Variants in UGT1A9 observed in about 807,000 individuals in gnomAD.
UGT1A9 encodes the protein UDP glucuronosyltransferase family 1 member A9, also known as UDP-glucuronosyltransferase 1A9.
A neutral mutation model predicts 45.0 loss-of-function variants in UGT1A9; 35 were observed. The ratio of observed to expected loss-of-function variants is 0.78; its 90% CI spans 0.59 to 1.03. The LOEUF (loss-of-function observed/expected upper bound fraction) is 1.03, where lower values mean the gene tolerates loss of function less well. UGT1A9 is among the 50% of genes least tolerant of loss of function. The pLI is 0.00. For missense variants in UGT1A9, 687 were observed against 666.6 expected (o/e 1.03, Z -0.34); for synonymous variants, 278 against 250.6 (o/e 1.11, Z -1.03).
At chr2:233,732,349 T>A (rs1331822531) in intron 1 of UGT1A9, among the ~76,000 whole-genome samples, 1 of 152,014 alleles carries the variant, frequency 6.6e-6, no homozygotes, top group Non-Finnish European at 1.5e-5. Flanking sequence ...GGTGTTTTAG[T>A]CATGAAGTCC....
At chr2:233,768,122 G>A in intron 3 of UGT1A9, 98 bp from the exon 4 acceptor site, 1 of 1,602,552 alleles carries the variant, frequency 6.2e-7, no homozygotes, top group Non-Finnish European at 8.5e-7. Flanking sequence ...GGGCATGTGA[G>A]TAACACTGAG....
chr2:233,698,753 A>G (rs887164106), intron 1 of UGT1A9, among the ~76,000 whole-genome samples: 4 of 152,244 alleles, frequency 2.6e-5, no homozygotes, highest in African/African-American at 7.2e-5. Context: ...ACATAATGCT[A>G]TGATTCAGAA....
intron 1 of UGT1A9, among the ~76,000 whole-genome samples, chr2:233,749,245 A>G (rs1371671760): frequency 6.6e-6 from 1 of 151,908 alleles, no homozygotes; most frequent in Admixed American, 6.5e-5. Context: ...ATCAAACCAC[A>G]TGATTTTTTT....
At chr2:233,730,041 T>G in intron 1 of UGT1A9, 1 of 1,612,628 alleles carries the variant, frequency 6.2e-7, no homozygotes, top group South Asian at 1.1e-5. Flanking sequence ...CAAAACACTT[T>G]TTAAAAAAAT....
intron 1 of UGT1A9, among the ~76,000 whole-genome samples, chr2:233,685,069 AT>A (rs1419211774): frequency 2.0e-5 from 3 of 151,848 alleles, no homozygotes; most frequent in Non-Finnish European, 2.9e-5. Context: ...TGCACAGGAG[AT>A]TTTTTTTCTG....
rs909756512 is a variant in UGT1A9 at position 233,724,934 on chromosome 2, C to T, written c.856-42100C>T. On this transcript the variant is annotated intron_variant, in intron 1 of 4. Coordinates refer to ENST00000354728, the MANE Select transcript of UGT1A9 (RefSeq NM_021027.3). ...ATTGAGCACTGAGTGAACGAGACTCCGTCTGCAATCCCGGCACCTCGGGAG... is the reference window on the plus strand; with the variant it reads ...ATTGAGCACTGAGTGAACGAGACTCTGTCTGCAATCCCGGCACCTCGGGAG... 1.0e-4 allele frequency among the ~76,000 whole-genome samples: 15 copies of T among 143,608 alleles called. 1 individual carries two copies. The highest frequency in any genetic ancestry group is 2.5e-4 in the South Asian group (1 of 4,034). 94.2% of individuals were successfully genotyped at this position (143,608 alleles called of 152,430 possible).
At chr2:233,744,417 G>C (rs1328403713) in intron 1 of UGT1A9, among the ~76,000 whole-genome samples, 1 of 151,850 alleles carries the variant, frequency 6.6e-6, no homozygotes, top group Non-Finnish European at 1.5e-5. Flanking sequence ...TTTTGTTCAT[G>C]TGGATTATAT....
intron 1 of UGT1A9, among the ~76,000 whole-genome samples, chr2:233,744,726 G>GA (rs1261964774): frequency 2.6e-5 from 4 of 151,822 alleles, no homozygotes; most frequent in African/African-American, 9.7e-5. Context: ...GAATGACGGT[G>GA]AAAAAATCAA....
chr2:233,730,006 G>A (rs1262951640), intron 1 of UGT1A9: 11 of 1,613,746 alleles, frequency 6.8e-6, no homozygotes, highest in Non-Finnish European at 9.3e-6. Context: ...CTGTATTGGT[G>A]CCTTCATCCA....
intron 3 of UGT1A9, 56 bp from the exon 4 acceptor site, chr2:233,768,164 C>T: frequency 1.2e-6 from 2 of 1,613,412 alleles, no homozygotes; most frequent in Non-Finnish European, 1.7e-6. Flanking sequence ...CTAGATGTGT[C>T]CAGCTGTGAA....
chr2:233,719,732 C>T (rs765294147), intron 1 of UGT1A9: 1 of 1,613,492 alleles, frequency 6.2e-7, no homozygotes, highest in South Asian at 1.1e-5. Flanking sequence ...AGGCAAAACA[C>T]TTTTTAAAAA....
In UGT1A9 at chr2:233,772,290, A is replaced by G; in HGVS notation, c.1324A>G (p.Ser442Gly). The part of the protein sequence containing the change: ...SYKENIMRLS[S>G]LHKDRPVEPL... Reference sequence around the variant, plus strand: ...CAAGGAGAACATCATGCGCCTCTCCAGCCTTCACAAGGACCGCCCGGTGGA... The same window carrying G: ...CAAGGAGAACATCATGCGCCTCTCCGGCCTTCACAAGGACCGCCCGGTGGA... The change falls in exon 5 of 5, where the codon AGC (serine) becomes GGC (glycine). Residue 442 changes from serine (S) to glycine (G), a missense_variant. Ser to Gly is a moderately conservative substitution (Grantham distance 56). Coordinates refer to ENST00000354728, the MANE Select transcript of UGT1A9 (RefSeq NM_021027.3). The G allele has an allele frequency of 6.2e-7, 1 of 1,614,260 alleles. No individual in the cohort carries two copies. Among genetic ancestry groups the G allele is most frequent in the Non-Finnish European group, 8.5e-7 (1 of 1,180,044 alleles).
intron 1 of UGT1A9, chr2:233,754,863 C>G (rs533816242): frequency 1.9e-5 from 25 of 1,351,158 alleles, no homozygotes; most frequent in Admixed American, 3.8e-5. Flanking sequence ...GGGTGCAGAC[C>G]CTCTGCTTCT....
chr2:233,708,093 A>G (rs1032975136), intron 1 of UGT1A9, among the ~76,000 whole-genome samples: 2 of 152,222 alleles, frequency 1.3e-5, no homozygotes, highest in African/African-American at 4.8e-5. Context: ...ATTCAAACGA[A>G]TTAGAATAAA....
chr2:233,690,652 C>T (rs1304778494), intron 1 of UGT1A9: 3 of 1,283,146 alleles, frequency 2.3e-6, no homozygotes, highest in Admixed American at 4.7e-5. Flanking sequence ...TTGACTCCTA[C>T]AGCACCAACC....
chr2:233,722,439 G>C (rs1180645142), intron 1 of UGT1A9, among the ~76,000 whole-genome samples: 1 of 152,066 alleles, frequency 6.6e-6, no homozygotes, highest in African/African-American at 2.4e-5. Context: ...TTATTTGATT[G>C]GTCTTCTCAA....
At chr2:233,681,994 C>T in intron 1 of UGT1A9, 1 of 1,614,172 alleles carries the variant, frequency 6.2e-7, no homozygotes, top group South Asian at 1.1e-5. Context: ...TACTGCTGAC[C>T]TGTGGCTTTG....
intron 1 of UGT1A9, chr2:233,748,060 A>T: frequency 1.9e-6 from 3 of 1,613,406 alleles, no homozygotes; most frequent in Non-Finnish European, 2.5e-6. Flanking sequence ...AACTGTGCCA[A>T]CAGGAAGCCA....
At chr2:233,713,332 T>C in intron 1 of UGT1A9, 1 of 1,614,244 alleles carries the variant, frequency 6.2e-7, no homozygotes, top group Non-Finnish European at 8.5e-7. Flanking sequence ...TCTAGAAGAA[T>C]GGCAATTATG....
Sources: allele counts gnomAD v4.1 joint callset (sites outside exome capture counted in the v4.1 genomes callset), GRCh38; gene constraint gnomAD v4.1.1; transcripts MANE v1.5; gene names NCBI Gene and HGNC (gene_info 2026-07-23, HGNC 2026-07-21).